CDH13: variants seen among roughly 807,000 people sequenced by gnomAD.
CDH13 encodes the protein cadherin-13.
Under a neutral mutation model 63.8 loss-of-function variants are expected in CDH13, and 24 were observed. The ratio of observed to expected loss-of-function variants is 0.38; its 90% CI spans 0.27 to 0.53. The LOEUF is 0.53. CDH13 is among the 20% of genes least tolerant of loss of function. The pLI is 0.85. For missense variants in CDH13, 1,049 were observed against 903.1 expected, an observed-to-expected ratio of 1.16 and a Z score of -2.07; for synonymous variants, 503 against 355.3, an observed-to-expected ratio of 1.42 and a Z score of -4.67.
At chr16:83,478,365 T>A (rs74563173) in intron 6 of CDH13, among the ~76,000 whole-genome samples, 1 of 152,082 alleles carries the variant, frequency 6.6e-6, no homozygotes, top group Admixed American at 6.6e-5. Flanking sequence ...TAGGTGAGCT[T>A]CTCACTCCTG....
chr16:82,775,335 G>C (rs114095175), intron 1 of CDH13, among the ~76,000 whole-genome samples: 1 of 152,190 alleles, frequency 6.6e-6, no homozygotes, highest in Non-Finnish European at 1.5e-5. Flanking sequence ...GAATAGTCAC[G>C]TGTGGATATC....
At position 83,571,092 on chromosome 16, in the gene CDH13, G is replaced by A. The variant is rs145275619; in HGVS notation, c.961-31362G>A. 5.3e-3 allele frequency among the ~76,000 whole-genome samples: 806 copies of A among 151,200 alleles called. 8 individuals are homozygous for A. Among genetic ancestry groups the A allele is most frequent in the African/African-American group, 0.018 (761 of 41,234 alleles). On this transcript the variant is annotated intron_variant, in intron 7 of 13. Transcript: ENST00000567109. ...ACCAAAGAAAGCCAAAACAGACCCC[G>A]TTGACATGCACATATTTCCACAAAC...
intron 5 of CDH13, among the ~76,000 whole-genome samples, chr16:83,308,430 A>G (rs915396004): frequency 6.6e-6 from 1 of 152,238 alleles, no homozygotes. Context: ...ACAGGATTCT[A>G]ATATTCTCAG....
chr16:82,742,326 G>C (rs2151055607), intron 1 of CDH13, among the ~76,000 whole-genome samples: 1 of 151,604 alleles, frequency 6.6e-6, no homozygotes, highest in African/African-American at 2.4e-5. Flanking sequence ...TTTTCTTTTT[G>C]CCTTTCTCTA....
chr16:82,757,189 C>A (rs1031559939), intron 1 of CDH13, among the ~76,000 whole-genome samples: 8 of 152,178 alleles, frequency 5.3e-5, no homozygotes, highest in Non-Finnish European at 1.0e-4. Context: ...GCTGCAGACT[C>A]CTCTAAGGCA....
intron 1 of CDH13, among the ~76,000 whole-genome samples, chr16:82,761,640 A>C (rs1457278635): frequency 4.6e-5 from 7 of 152,228 alleles, no homozygotes; most frequent in Non-Finnish European, 8.8e-5. Context: ...ATATAATTAA[A>C]AGTCACATAA....
chr16:83,490,740 C>T (rs914969736), intron 7 of CDH13, among the ~76,000 whole-genome samples: 2 of 152,206 alleles, frequency 1.3e-5, no homozygotes, highest in Admixed American at 6.5e-5. Flanking sequence ...CAGCGTGATT[C>T]ACACTGGCTT....
chr16:83,746,560 A>C (rs1490991065), intron 10 of CDH13, among the ~76,000 whole-genome samples: 1 of 152,142 alleles, frequency 6.6e-6, no homozygotes, highest in Non-Finnish European at 1.5e-5. Context: ...ACTTGCTCCA[A>C]GCCCTTCAGT....
intron 7 of CDH13, among the ~76,000 whole-genome samples, chr16:83,568,262 G>A (rs1047557774): frequency 2.0e-5 from 3 of 152,102 alleles, no homozygotes; most frequent in Admixed American, 6.5e-5. Flanking sequence ...ATGAAGCCAC[G>A]AGTTTGGCCT....
chr16:82,965,284 G>A (rs1907643659), intron 2 of CDH13, among the ~76,000 whole-genome samples: 1 of 152,158 alleles, frequency 6.6e-6, no homozygotes, highest in Non-Finnish European at 1.5e-5. Context: ...TGGGAACTGA[G>A]CTAGCAAAGA....
intron 1 of CDH13, among the ~76,000 whole-genome samples, chr16:82,778,413 A>T (rs2035595130): frequency 6.6e-6 from 1 of 152,040 alleles, no homozygotes. Flanking sequence ...TGGTGGGGGC[A>T]TTTCCACGTT....
In CDH13 at chr16:83,148,338, CCATGTAGACAA is replaced by C. The variant is rs1312522327; in HGVS notation, c.483+22853_483+22863del. On this transcript the variant is annotated intron_variant, in intron 4 of 13. Coordinates refer to ENST00000567109, the MANE Select transcript of CDH13 (RefSeq NM_001257.5). ...AGACAACATGTAGACAACATGGGTACCATGTAGACAACATGTAGACAACATGGGTGGTGCCA... is the reference window on the plus strand; with the variant it reads ...AGACAACATGTAGACAACATGGGTACCATGTAGACAACATGGGTGGTGCCA... Among the ~76,000 whole-genome samples, 7 of 148,736 alleles carry C rather than the reference CCATGTAGACAA, an allele frequency of 4.7e-5. No homozygotes were observed. The East Asian group carries it at 5.8e-4, about 12-fold the overall frequency.
intron 11 of CDH13, among the ~76,000 whole-genome samples, chr16:83,777,009 C>T (rs895683389): frequency 1.3e-5 from 2 of 152,096 alleles, no homozygotes; most frequent in African/African-American, 2.4e-5. Flanking sequence ...AAGACTGAAC[C>T]GCTGGTCTTC....
chr16:83,465,650 G>C (rs1273440956), intron 6 of CDH13, among the ~76,000 whole-genome samples: 1 of 152,170 alleles, frequency 6.6e-6, no homozygotes, highest in Non-Finnish European at 1.5e-5. Context: ...GAATTATATG[G>C]AACACTCAAA....
intron 6 of CDH13, among the ~76,000 whole-genome samples, chr16:83,380,118 G>T (rs977999755): frequency 1.3e-5 from 2 of 151,924 alleles, no homozygotes; most frequent in Non-Finnish European, 2.9e-5. Flanking sequence ...GTATTCTTGC[G>T]TGAGGATGAG....
rs16944495 is a variant in CDH13 at position 83,429,300 on chromosome 16, C to G, written c.782-57177C>G. ...GAGCAGGACACTCTTTGACCAATCT[C>G]AACCACCTGATTTCCTCATGAGGTA... On this transcript the variant is annotated intron_variant, in intron 6 of 13. Transcript: ENST00000567109. Among the ~76,000 whole-genome samples the G allele has an allele frequency of 2.1e-3, 323 of 152,296 alleles. 8 individuals are homozygous for G. The East Asian group carries it at 0.048, about 23-fold the overall frequency.
chr16:83,248,229 C>T (rs979682558), intron 5 of CDH13, among the ~76,000 whole-genome samples: 8 of 151,972 alleles, frequency 5.3e-5, no homozygotes. Context: ...AAAAAGAGAT[C>T]AGGAAGGAAG....
At chr16:83,368,154 C>G (rs2091289848) in intron 6 of CDH13, among the ~76,000 whole-genome samples, 1 of 152,204 alleles carries the variant, frequency 6.6e-6, no homozygotes, top group Non-Finnish European at 1.5e-5. Flanking sequence ...TCTCTTTTAA[C>G]ATAGACATTA....
At chr16:83,349,014 C>T (rs532579429) in intron 6 of CDH13, among the ~76,000 whole-genome samples, 1 of 152,306 alleles carries the variant, frequency 6.6e-6, no homozygotes, top group South Asian at 2.1e-4. Context: ...CCCTCGGCAC[C>T]AATCTATCAC....
Sources: gnomAD v4.1 joint callset for allele counts (sites outside exome capture counted in the v4.1 genomes callset) on GRCh38, gnomAD v4.1.1 for gene constraint, MANE v1.5 for transcripts, NCBI Gene and HGNC (gene_info 2026-07-23, HGNC 2026-07-21) for gene names.